Variants in HSF1 observed in about 807,000 individuals in gnomAD.
HSF1 encodes the protein heat shock transcription factor 1.
HSF1 carries 32 observed loss-of-function variants against 51.7 expected under a neutral mutation model. The ratio of observed to expected loss-of-function variants is 0.62; its 90% CI spans 0.47 to 0.83. The LOEUF (loss-of-function observed/expected upper bound fraction) is 0.83. HSF1 is among the 40% of genes least tolerant of loss of function. HSF1 has a pLI of 0.00. For missense variants in HSF1, 727 were observed against 717.0 expected (o/e 1.01, Z -0.16); for synonymous variants, 396 against 309.7 (o/e 1.28, Z -2.92).
At chr8:144,299,362 G>A (rs1166116712) in intron 1 of HSF1, among the ~76,000 whole-genome samples, 30 of 151,942 alleles carry the variant, frequency 2.0e-4, no homozygotes, top group Admixed American at 1.6e-3. Flanking sequence ...ACATGAGCCC[G>A]GGAGGCAGAG....
At chr8:144,313,048 C>T (rs1162731086) in intron 9 of HSF1, 2 of 456,810 alleles carry the variant, frequency 4.4e-6, no homozygotes, top group Non-Finnish European at 4.0e-6. Flanking sequence ...TCCCATAGCC[C>T]AGGTGTGCCC....
intron 9 of HSF1, chr8:144,312,690 C>T (rs782421862): frequency 1.7e-4 from 262 of 1,535,506 alleles, no homozygotes; most frequent in South Asian, 3.8e-4. Flanking sequence ...TCTTCCTCTC[C>T]GCATGGCCAA....
intron 1 of HSF1, 85 bp from the exon 2 acceptor site, chr8:144,308,821 C>G: frequency 9.0e-7 from 1 of 1,111,530 alleles, no homozygotes; most frequent in Non-Finnish European, 1.4e-6. Context: ...GCCTGCGTTT[C>G]AGAAGGGGCG....
rs34454068 is a variant in HSF1 at position 144,314,246 on chromosome 8, AG to A, written c.1510del (p.Asp504ThrfsTer12). The A allele has an allele frequency of 6.4e-7, 1 of 1,550,502 alleles. No individual in the cohort carries two copies. The highest frequency in any genetic ancestry group is 8.7e-7 in the Non-Finnish European group (1 of 1,147,018). On this transcript the variant is annotated frameshift_variant, in exon 13 of 13. Coordinates refer to ENST00000528838, the MANE Select transcript of HSF1 (RefSeq NM_005526.4). LOFTEE classifies it high-confidence loss of function. ...ELGEGSYFSE[G>X]DGFAEDPTIS... ...TGGGAGAGGGCTCCTACTTCTCCGA[AG>A]GGGACGGCTTCGCCGAGGACCCCAC...
intron 4 of HSF1, chr8:144,310,129 G>C (rs183138119): frequency 6.5e-4 from 352 of 540,910 alleles, no homozygotes; most frequent in African/African-American, 4.8e-3. Flanking sequence ...CCCCTGCTCT[G>C]CACATCCCCA....
rs782043220 is a variant in HSF1, at chr8:144,308,934, A to G, written c.146A>G (p.Gln49Arg). The change falls in exon 2 of 13, where the codon CAG (glutamine) becomes CGG (arginine). Residue 49 changes from glutamine (Q) to arginine (R), a missense_variant. Transcript: ENST00000528838. ...PSGNSFHVFD[Q>R]GQFAKEVLPK... Reference sequence around the variant, plus strand: ...GGGAACAGCTTCCACGTGTTCGACCAGGGCCAGTTTGCCAAGGAGGTGCTG... The same window carrying G: ...GGGAACAGCTTCCACGTGTTCGACCGGGGCCAGTTTGCCAAGGAGGTGCTG... The G allele has an allele frequency of 1.2e-6, 2 of 1,614,168 alleles. No homozygotes were observed. Among genetic ancestry groups the G allele is most frequent in the South Asian group, 2.2e-5 (2 of 91,088 alleles).
rs1817116534 is a variant in HSF1, at chr8:144,314,705, C to T, written c.*375C>T. The T allele has an allele frequency of 3.9e-6, 1 of 257,792 alleles. No homozygotes were observed. The highest frequency in any genetic ancestry group is 4.7e-5 in the Admixed American group (1 of 21,128). 16.0% of individuals were successfully genotyped at this position (257,792 alleles called of 1,614,324 possible). ...GACAAGACAGGCAGAGATCTATAAACAGACAGGCTCTATGCTATGGCCTCC... is the reference window on the plus strand; with the variant it reads ...GACAAGACAGGCAGAGATCTATAAATAGACAGGCTCTATGCTATGGCCTCC... On this transcript the variant is annotated 3_prime_UTR_variant, in exon 13 of 13. Coordinates refer to ENST00000528838, the MANE Select transcript of HSF1 (RefSeq NM_005526.4).
chr8:144,308,350 A>G (rs549947914), intron 1 of HSF1, among the ~76,000 whole-genome samples: 2 of 152,336 alleles, frequency 1.3e-5, no homozygotes, highest in African/African-American at 4.8e-5. Flanking sequence ...TGGAAGAGGA[A>G]GGTATATGCA....
At position 144,310,970 on chromosome 8, in the gene HSF1, G is replaced by A. The variant is rs7828180; in HGVS notation, c.489-204G>A. On this transcript the variant is annotated intron_variant, in intron 4 of 12. Transcript: ENST00000528838. ...ACCCTACGTGACACCAGGTGTCCCCGGCAGGGAGGGGCAGTGGGACCAGCA... is the reference window on the plus strand; with the variant it reads ...ACCCTACGTGACACCAGGTGTCCCCAGCAGGGAGGGGCAGTGGGACCAGCA... The A allele has an allele frequency of 5.4e-3, 3,257 of 598,088 alleles. 84 individuals are homozygous for A. Among genetic ancestry groups the A allele is most frequent in the African/African-American group, 0.054 (2,891 of 53,914 alleles). 37.0% of individuals were successfully genotyped at this position (598,088 alleles called of 1,614,324 possible).
At chr8:144,305,576 C>T (rs1554843150) in intron 1 of HSF1, among the ~76,000 whole-genome samples, 1 of 152,216 alleles carries the variant, frequency 6.6e-6, no homozygotes, top group Non-Finnish European at 1.5e-5. Context: ...GCTGAGATTA[C>T]AGGCGTGAGC....
chr8:144,303,092 G>A (rs574657390), intron 1 of HSF1, among the ~76,000 whole-genome samples: 40 of 152,146 alleles, frequency 2.6e-4, no homozygotes, highest in Non-Finnish European at 4.9e-4. Flanking sequence ...TTTACCACAC[G>A]GCCAGCAGTT....
At chr8:144,293,310 A>G (rs536704756) in intron 1 of HSF1, among the ~76,000 whole-genome samples, 10 of 152,186 alleles carry the variant, frequency 6.6e-5, no homozygotes, top group Non-Finnish European at 1.3e-4. Context: ...TCCCATCCCC[A>G]GGTCCCATTA....
At position 144,311,252 on chromosome 8, in the gene HSF1, G is replaced by C. The variant is rs1346901547; in HGVS notation, c.564+3G>C. On this transcript the variant is annotated splice_donor_region_variant and intron_variant, in intron 5 of 12. Coordinates refer to ENST00000528838, the MANE Select transcript of HSF1 (RefSeq NM_005526.4). ...AGCAACAGAAAGTCGTCAACAAGGT[G>C]GGGGCAGGGCCAGAGGGCCGGCGGG... The C allele has an allele frequency of 2.5e-6, 4 of 1,613,438 alleles. No individual in the cohort carries two copies. The highest frequency in any genetic ancestry group is 1.7e-5 in the Admixed American group (1 of 60,012).
At chr8:144,313,785 C>CCCGCG (rs1816986067) in intron 10 of HSF1, 61 bp from the exon 11 acceptor site, 1 of 10,944 alleles carries the variant, frequency 9.1e-5, no homozygotes, top group African/African-American at 7.2e-4. Flanking sequence ...GCCCCGCCTC[C>CCCGCG]CCGCCCCGCC....
rs782701829 is a variant in HSF1, at chr8:144,314,020, G to T, written c.1350G>T (p.Arg450Ser). 16 of 1,609,472 alleles carry T rather than the reference G, an allele frequency of 9.9e-6. No individual in the cohort carries two copies. Among genetic ancestry groups the T allele is most frequent in the Non-Finnish European group, 1.4e-5 (16 of 1,179,084 alleles). The change falls in exon 12 of 13, where the codon AGG becomes AGT. Residue 450 changes from arginine to serine, a missense_variant. Arg to Ser is a moderately radical substitution (Grantham distance 110). Around this residue, in one of 2 missense-constraint regions of HSF1, gnomAD observed 470 missense variants for 398.8 expected, o/e 1.18. Transcript: ENST00000528838. ...TCCTGTCTCCCCAGGAGCCCCCCAG[G>T]CCTCCCGAGGCAGAGAACAGCAGCC... ...QELLSPQEPPRPPEAENSSPD... is the reference protein window; with the variant it reads ...QELLSPQEPPSPPEAENSSPD...
chr8:144,310,000 T>A, intron 4 of HSF1, 104 bp downstream of exon 4: 1 of 1,363,942 alleles, frequency 7.3e-7, no homozygotes, highest in Non-Finnish European at 1.0e-6. Context: ...GGTGCTCAGC[T>A]CCACCCTCCC....
At chr8:144,307,512 G>A (rs141188667) in intron 1 of HSF1, among the ~76,000 whole-genome samples, 5 of 152,362 alleles carry the variant, frequency 3.3e-5, no homozygotes, top group African/African-American at 9.6e-5. Flanking sequence ...GGCCAAGGTG[G>A]GCGGATTGAT....
At chr8:144,296,312 G>A (rs1375650648) in intron 1 of HSF1, among the ~76,000 whole-genome samples, 4 of 152,212 alleles carry the variant, frequency 2.6e-5, no homozygotes, top group Non-Finnish European at 4.4e-5. Context: ...CCCACGGCAG[G>A]CAGGGCCACC....
At chr8:144,294,274 T>G (rs1288480178) in intron 1 of HSF1, among the ~76,000 whole-genome samples, 3 of 152,166 alleles carry the variant, frequency 2.0e-5, no homozygotes, top group African/African-American at 7.2e-5. Flanking sequence ...CATCCCATCC[T>G]GTGACTTTGA....
Sources: allele counts gnomAD v4.1 joint callset (sites outside exome capture counted in the v4.1 genomes callset), GRCh38; gene constraint gnomAD v4.1.1; regional missense constraint gnomAD v4.1.1; transcripts MANE v1.5; gene names NCBI Gene and HGNC (gene_info 2026-07-23, HGNC 2026-07-21).